Variants in PAX9 observed in about 807,000 individuals in gnomAD.
The protein encoded by PAX9 is paired box protein Pax-9.
Under a neutral mutation model 29.1 loss-of-function variants are expected in PAX9, and 6 were observed. The observed-to-expected ratio is 0.21, with a 90% CI of 0.11 to 0.41. The LOEUF is 0.41. Ranked by LOEUF, PAX9 falls within the 10% of genes least tolerant of loss-of-function variation. The pLI is 1.00. For synonymous variants in PAX9, 217 were observed against 211.7 expected (o/e 1.03, Z -0.22); for missense variants, 443 against 479.1 (o/e 0.92, Z 0.70).
At chr14:36,660,174 T>G (rs76370425), upstream of PAX9, among the ~76,000 whole-genome samples, 5 of 152,310 alleles carry the variant, frequency 3.3e-5, no homozygotes, top group Admixed American at 1.3e-4. Context: ...TCTACCAGCC[T>G]TAAGAAGGAG....
At chr14:36,666,187 A>C in intron 2 of PAX9, 2 of 483,554 alleles carry the variant, frequency 4.1e-6, no homozygotes, top group Non-Finnish European at 3.7e-6. Context: ...GGCGAAGGGA[A>C]ATCAAAAACC....
intron 3 of PAX9, among the ~76,000 whole-genome samples, chr14:36,675,948 C>T (rs1235298799): frequency 1.3e-5 from 2 of 152,266 alleles, no homozygotes; most frequent in East Asian, 1.9e-4. Context: ...GCAAATACTA[C>T]GAATTTTCTG....
chr14:36,662,968 C>A lies in PAX9; in HGVS notation c.76C>A (p.Arg26=). 3 of 1,613,522 alleles carry A rather than the reference C, an allele frequency of 1.9e-6. No individual in the cohort carries two copies. The highest frequency in any genetic ancestry group is 2.5e-6 in the Non-Finnish European group (3 of 1,179,976). The change falls in exon 2 of 4, where the codon CGG becomes AGG. Residue 26 remains arginine, a synonymous_variant. Coordinates refer to ENST00000361487, the MANE Select transcript of PAX9 (RefSeq NM_001372076.1). ...CGGGAGGCCGCTGCCCAACGCCATC[C>A]GGCTTCGCATCGTGGAACTGGCCCA... ...VNGRPLPNAI[R]LRIVELAQLG...
intron 2 of PAX9, among the ~76,000 whole-genome samples, chr14:36,664,753 T>G (rs773857101): frequency 6.6e-6 from 1 of 152,180 alleles, no homozygotes; most frequent in Non-Finnish European, 1.5e-5. Flanking sequence ...TTTAATTACT[T>G]CCTGCCTTTC....
intron 3 of PAX9, chr14:36,670,963 A>C (rs1202786378): frequency 2.9e-6 from 1 of 339,312 alleles, no homozygotes. Context: ...GGTATGTTTT[A>C]CTAGGTCATT....
At chr14:36,662,135 G>A (rs1260363049) in intron 1 of PAX9, 42 bp downstream of exon 1, 4 of 1,502,854 alleles carry the variant, frequency 2.7e-6, no homozygotes, top group East Asian at 5.1e-5. Flanking sequence ...GGGAAGGGAG[G>A]GAGGGAGCGA....
intron 3 of PAX9, 136 bp from the exon 4 acceptor site, chr14:36,676,061 AT>A: frequency 1.3e-6 from 1 of 791,646 alleles, no homozygotes; most frequent in Non-Finnish European, 2.0e-6. Flanking sequence ...TAAAGCTCAA[AT>A]TTTTTTAAAA....
rs776488029 is a variant in PAX9 at position 36,666,433 on chromosome 14, G to C, written c.632-29G>C. 12 of 1,604,654 alleles carry C rather than the reference G, an allele frequency of 7.5e-6. No homozygotes were observed. The Middle Eastern group carries it at 9.5e-4, about 127-fold the overall frequency. ...AGTGGGGCGCGCGGGCTGGGCCTCC[G>C]GCCTGACACCCTCTCTTCTCTCCAT... is the stretch of plus-strand genomic sequence containing the variant. On this transcript the variant is annotated intron_variant, in intron 2 of 3. Transcript: ENST00000361487.
chr14:36,661,873 T>G lies in PAX9; in HGVS notation c.-217T>G. 1.5e-6 allele frequency: 1 copy of G among 646,252 alleles called. No individual in the cohort carries two copies. The highest frequency in any genetic ancestry group is 2.8e-6 in the Non-Finnish European group (1 of 360,124). 40.0% of individuals were successfully genotyped at this position (646,252 alleles called of 1,614,324 possible). On this transcript the variant is annotated 5_prime_UTR_variant, in exon 1 of 4. Coordinates refer to ENST00000361487, the MANE Select transcript of PAX9 (RefSeq NM_001372076.1). ...CCTGCCCTGCTCAGCCCAGCCCACG[T>G]TGCTGCTTAGATTGAAATGCAGAAC... is the stretch of plus-strand genomic sequence containing the variant.
At chr14:36,667,334 T>C (rs912560545) in intron 3 of PAX9, among the ~76,000 whole-genome samples, 2 of 151,674 alleles carry the variant, frequency 1.3e-5, no homozygotes, top group Non-Finnish European at 2.9e-5. Flanking sequence ...GTTTTTATTT[T>C]CCCCCCGAGA....
chr14:36,678,330 G>C lies in PAX9; in HGVS notation c.*1878G>C, dbSNP rs1290707900. 3.0e-6 allele frequency: 2 copies of C among 666,222 alleles called. No individual in the cohort carries two copies. The highest frequency in any genetic ancestry group is 1.8e-5 in the African/African-American group (1 of 55,438). 41.3% of individuals were successfully genotyped at this position (666,222 alleles called of 1,614,324 possible). A position where few individuals can be genotyped will look rare whatever the true frequency, so the allele number is the denominator to read the frequency against. ...CAGCAGATATCTTATAGAGAGCTTTGAACTGCATTTATTTCTAAAGCAACC... is the reference window on the plus strand; with the variant it reads ...CAGCAGATATCTTATAGAGAGCTTTCAACTGCATTTATTTCTAAAGCAACC... On this transcript the variant is annotated 3_prime_UTR_variant, in exon 4 of 4. Transcript: ENST00000361487.
upstream of PAX9, chr14:36,658,593 A>T (rs1226299061): frequency 6.6e-6 from 1 of 152,308 alleles, no homozygotes; most frequent in Non-Finnish European, 1.5e-5. Flanking sequence ...GGTTGGGGAT[A>T]CAGGGAGGGG....
intron 1 of PAX9, chr14:36,662,619 G>C: frequency 1.9e-6 from 1 of 524,168 alleles, no homozygotes; most frequent in Non-Finnish European, 3.4e-6. Context: ...CCTGCTTCGG[G>C]AGACTTTTGA....
At chr14:36,660,131 C>G (rs982100549), upstream of PAX9, among the ~76,000 whole-genome samples, 1 of 152,144 alleles carries the variant, frequency 6.6e-6, no homozygotes, top group Non-Finnish European at 1.5e-5. Flanking sequence ...GTCATAAGCT[C>G]CCCTACGATG....
At chr14:36,661,643 T>G, upstream of PAX9, 2 of 227,998 alleles carry the variant, frequency 8.8e-6, no homozygotes, top group South Asian at 1.1e-4. Context: ...GATTTTGCTG[T>G]CTTTTTGTGC....
intron 1 of PAX9, chr14:36,662,531 A>G (rs983452806): frequency 3.2e-5 from 13 of 408,654 alleles, no homozygotes; most frequent in Non-Finnish European, 5.2e-5. Flanking sequence ...GGATGGGTGG[A>G]GAGAGGGAGC....
Position 36,676,679 on chromosome 14 carries a change from A to G in PAX9, c.*227A>G, listed in dbSNP as rs1215554434. The G allele has an allele frequency of 3.4e-6, 2 of 589,768 alleles. No individual in the cohort carries two copies. Among genetic ancestry groups the G allele is most frequent in the Non-Finnish European group, 6.1e-6 (2 of 329,652 alleles). The allele number at this position is 589,768 out of a possible 1,614,324, so 36.5% of individuals were successfully genotyped here. A position where few individuals can be genotyped will look rare whatever the true frequency, so the allele number is the denominator to read the frequency against. On this transcript the variant is annotated 3_prime_UTR_variant, in exon 4 of 4. Coordinates refer to ENST00000361487, the MANE Select transcript of PAX9 (RefSeq NM_001372076.1). ...ACTTTAGGATTTAAAAACAAGAGCA[A>G]CAATAAGCATTGAATGAGACATTTG...
In PAX9 at chr14:36,678,522, G is replaced by C; in HGVS notation, c.*2070G>C. ...TAGACTATAAACTGAATGGAACAAA[G>C]ATCCAATCCAATATTTTGGTGGAGA... On this transcript the variant is annotated 3_prime_UTR_variant, in exon 4 of 4. Transcript: ENST00000361487. 6.5e-7 allele frequency: 1 copy of C among 1,536,832 alleles called. No individual in the cohort carries two copies.
intron 3 of PAX9, among the ~76,000 whole-genome samples, chr14:36,669,275 C>T (rs182788311): frequency 6.6e-6 from 1 of 152,194 alleles, no homozygotes; most frequent in East Asian, 1.9e-4. Context: ...TAAAGTGTTG[C>T]CCATATATGT....
Sources: gnomAD v4.1 joint callset for allele counts (sites outside exome capture counted in the v4.1 genomes callset) on GRCh38, gnomAD v4.1.1 for gene constraint, MANE v1.5 for transcripts, NCBI Gene and HGNC (gene_info 2026-07-23, HGNC 2026-07-21) for gene names.